The following GLOD4 variants were observed in gnomAD, a reference collection of about 807,000 sequenced individuals.
GLOD4 encodes the protein glyoxalase domain-containing protein 4.
GLOD4 carries 44 observed loss-of-function variants against 39.1 expected under a neutral mutation model. The observed-to-expected ratio is 1.13, with a 90% CI of 0.88 to 1.45. The LOEUF (loss-of-function observed/expected upper bound fraction) is 1.45. Among genes scored for constraint, GLOD4 ranks in the 40% most tolerant of loss-of-function variants. The pLI, the probability that GLOD4 is intolerant of heterozygous loss-of-function variation, is 0.00. For missense variants in GLOD4, 405 were observed against 366.4 expected (o/e 1.11, Z -0.86); for synonymous variants, 145 against 135.0 (o/e 1.07, Z -0.52).
At chr17:774,326 G>A (rs1908516049) in intron 4 of GLOD4, among the ~76,000 whole-genome samples, 2 of 152,186 alleles carry the variant, frequency 1.3e-5, no homozygotes, top group Admixed American at 1.3e-4. Context: ...AGTGAAGAAG[G>A]AGAATTTCCA....
At chr17:779,403 G>C (rs183574557) in intron 1 of GLOD4, among the ~76,000 whole-genome samples, 7 of 148,898 alleles carry the variant, frequency 4.7e-5, no homozygotes, top group South Asian at 2.1e-4. Flanking sequence ...GCTGAGGTGG[G>C]CAGATCACCT....
At chr17:775,064 C>T (rs1908659557) in intron 4 of GLOD4, among the ~76,000 whole-genome samples, 1 of 146,096 alleles carries the variant, frequency 6.8e-6, no homozygotes, top group Admixed American at 6.9e-5. Flanking sequence ...AGCAAGACTC[C>T]GTCTCAAAAA....
intron 2 of GLOD4, chr17:777,246 C>G (rs1044069279): frequency 9.7e-6 from 5 of 513,216 alleles, no homozygotes; most frequent in African/African-American, 9.6e-5. Flanking sequence ...GAACAGAATC[C>G]TAAAGACAGT....
At chr17:783,054 CTGTTT>C, upstream of GLOD4, 1 of 1,512,368 alleles carries the variant, frequency 6.6e-7, no homozygotes, top group Non-Finnish European at 8.8e-7. Context: ...TGATAGTTAC[CTGTTT>C]TTTTTTTTTA....
Position 771,536 on chromosome 17 carries a change from A to G in GLOD4, c.407-75T>C, listed in dbSNP as rs181312427. 678 of 781,186 alleles carry G rather than the reference A, an allele frequency of 8.7e-4. 2 individuals carry two copies. The highest frequency in any genetic ancestry group is 4.9e-4 in the Middle Eastern group (2 of 4,080). The allele number at this position is 781,186 out of a possible 1,614,324, so 48.4% of individuals were successfully genotyped here. A position where few individuals can be genotyped will look rare whatever the true frequency, so the allele number is the denominator to read the frequency against. ...TAGAAAGACCAAAACATGCGCATGTATACTTACAAATTCAGTTTATGATAA... is the reference window on the plus strand; with the variant it reads ...TAGAAAGACCAAAACATGCGCATGTGTACTTACAAATTCAGTTTATGATAA... On this transcript the variant is annotated intron_variant, in intron 4 of 8. Coordinates refer to ENST00000301329, the MANE Select transcript of GLOD4 (RefSeq NM_016080.4).
chr17:785,795 TAAAG>T (rs946990480), upstream of GLOD4, among the ~76,000 whole-genome samples: 3 of 152,240 alleles, frequency 2.0e-5, no homozygotes, highest in African/African-American at 7.2e-5. Context: ...AAATGAGTGA[TAAAG>T]GAAAGATAAA....
Position 780,151 on chromosome 17 carries a change from G to A in GLOD4, c.91-1407C>T, listed in dbSNP as rs148327586. 6.1e-4 allele frequency among the ~76,000 whole-genome samples: 93 copies of A among 152,016 alleles called. No individual in the cohort carries two copies. The East Asian group carries it at 0.012, about 19-fold the overall frequency. On this transcript the variant is annotated intron_variant, in intron 1 of 8. Coordinates refer to ENST00000301329, the MANE Select transcript of GLOD4 (RefSeq NM_016080.4). ...TGCACTCCAGCCTGGGCGAAAGAGC[G>A]AGACTCCGTCTCAACATAAAAAAAA... is the stretch of plus-strand genomic sequence containing the variant.
At chr17:768,537 A>G (rs1466551897) in intron 8 of GLOD4, among the ~76,000 whole-genome samples, 1 of 128,132 alleles carries the variant, frequency 7.8e-6, no homozygotes, top group Admixed American at 8.0e-5. Flanking sequence ...TTTAGAAGAA[A>G]TCTGGAGAGG....
intron 4 of GLOD4, among the ~76,000 whole-genome samples, chr17:773,077 T>C (rs1025815141): frequency 7.2e-5 from 11 of 152,130 alleles, no homozygotes; most frequent in African/African-American, 2.7e-4. Context: ...TTAACTAATG[T>C]GCAAATAATG....
upstream of GLOD4, chr17:782,310 C>A (rs1234201088): frequency 2.5e-6 from 4 of 1,610,572 alleles, no homozygotes; most frequent in East Asian, 2.2e-5. Flanking sequence ...CCACGAAGGG[C>A]GCCACGGGCC....
chr17:760,245 A>G lies in GLOD4; in HGVS notation c.832-7T>C. ...TTTTATCTGCTGCCATTGCCTGTAA[A>G]ATAGAAATAGAATATACACTGACTC... On this transcript the variant is annotated splice_region_variant and splice_polypyrimidine_tract_variant and intron_variant, in intron 8 of 8. Transcript: ENST00000301329. 6.6e-7 allele frequency: 1 copy of G among 1,505,872 alleles called. No homozygotes were observed. The highest frequency in any genetic ancestry group is 9.3e-7 in the Non-Finnish European group (1 of 1,081,018). The allele number at this position is 1,505,872 out of a possible 1,614,324, so 93.3% of individuals were successfully genotyped here.
intron 1 of GLOD4, chr17:781,788 T>C: frequency 4.7e-6 from 1 of 211,710 alleles, no homozygotes; most frequent in Non-Finnish European, 9.5e-6. Flanking sequence ...AATACGCTGA[T>C]TTTATCTACA....
At chr17:761,170 C>T (rs1174529983) in intron 8 of GLOD4, among the ~76,000 whole-genome samples, 5 of 152,044 alleles carry the variant, frequency 3.3e-5, no homozygotes, top group Admixed American at 6.6e-5. Flanking sequence ...AGTGTGTGTA[C>T]GCATGTGTGT....
chr17:776,746 C>G (rs1909027963), intron 3 of GLOD4, 122 bp downstream of exon 3: 3 of 758,964 alleles, frequency 4.0e-6, no homozygotes, highest in Non-Finnish European at 4.5e-6. Flanking sequence ...ACTCCCTGAC[C>G]TCTTTTGAGT....
chr17:762,996 G>C (rs1256411006), intron 8 of GLOD4, among the ~76,000 whole-genome samples: 1 of 152,072 alleles, frequency 6.6e-6, no homozygotes, highest in Non-Finnish European at 1.5e-5. Flanking sequence ...CTAACACGGT[G>C]AAACCCCGTC....
rs764535869 is a variant in GLOD4 at position 759,853 on chromosome 17, A to G, written c.*320T>C. ...TCAGAGGTAACCCTAACTATCCGCA[A>G]TCCCAACCAAAGTCATGTTCATGCC... On this transcript the variant is annotated 3_prime_UTR_variant, in exon 9 of 9. Transcript: ENST00000301329. 1.0e-5 allele frequency: 3 copies of G among 295,466 alleles called. No homozygotes were observed. Among genetic ancestry groups the G allele is most frequent in the South Asian group, 6.8e-5 (1 of 14,768 alleles). The allele number at this position is 295,466 out of a possible 1,614,324, so 18.3% of individuals were successfully genotyped here.
intron 8 of GLOD4, among the ~76,000 whole-genome samples, chr17:769,494 T>A (rs1264507810): frequency 2.4e-5 from 3 of 125,718 alleles, no homozygotes; most frequent in Admixed American, 9.1e-5. Context: ...GGCATCTCCA[T>A]GCAGAGAGCT....
At chr17:782,949 A>G (rs1270926135), upstream of GLOD4, 25 of 1,299,286 alleles carry the variant, frequency 1.9e-5, no homozygotes, top group East Asian at 1.4e-4. Flanking sequence ...CGGCCTCCCA[A>G]TGTGCTGGGA....
chr17:782,235 C>T lies in GLOD4; in HGVS notation c.21G>A (p.Leu7=). 6.2e-7 allele frequency: 1 copy of T among 1,613,404 alleles called. No homozygotes were observed. Among genetic ancestry groups the T allele is most frequent in the Non-Finnish European group, 8.5e-7 (1 of 1,179,680 alleles). Residue 7 remains leucine, a synonymous_variant, in exon 1 of 9, where the codon CTG becomes CTA. Coordinates refer to ENST00000301329, the MANE Select transcript of GLOD4 (RefSeq NM_016080.4). MAARRA[L]HFVFKVGNRF... is the part of the protein sequence containing the mutation. Reference sequence around the variant, plus strand: ...GGTTTCCCACTTTGAATACGAAGTGCAGAGCTCTGCGAGCAGCCATGATTC... The same window carrying T: ...GGTTTCCCACTTTGAATACGAAGTGTAGAGCTCTGCGAGCAGCCATGATTC...
Sources: gnomAD v4.1 joint callset for allele counts (sites outside exome capture counted in the v4.1 genomes callset) on GRCh38, gnomAD v4.1.1 for gene constraint, MANE v1.5 for transcripts, NCBI Gene and HGNC (gene_info 2026-07-23, HGNC 2026-07-21) for gene names.